PRSS55: variants seen among roughly 807,000 people sequenced by gnomAD.
The protein encoded by PRSS55 is serine protease 55, also known as probable serine protease UNQ9391/PRO34284.
PRSS55 carries 41 observed loss-of-function variants against 23.6 expected under a neutral mutation model. That is an observed-to-expected ratio of 1.74 (90% CI 1.35 to 2.26). The LOEUF (loss-of-function observed/expected upper bound fraction) is 2.26, where lower values mean the gene tolerates loss of function less well. Among genes scored for constraint, PRSS55 ranks in the 30% most tolerant of loss-of-function variants. PRSS55 has a pLI of 0.00. For synonymous variants in PRSS55, 262 were observed against 175.5 expected (o/e 1.49, Z -3.90); for missense variants, 669 against 439.1 (o/e 1.52, Z -4.68).
chr8:10,527,362 T>C (rs2117005640), intron 1 of PRSS55, among the ~76,000 whole-genome samples: 1 of 152,332 alleles, frequency 6.6e-6, no homozygotes, highest in East Asian at 1.9e-4. Flanking sequence ...AGTGGAGTCA[T>C]TCAATCAGGG....
At chr8:10,531,850 C>A in intron 3 of PRSS55, 1 of 357,494 alleles carries the variant, frequency 2.8e-6, no homozygotes. Context: ...TAAACATCTT[C>A]CCTGATTCCC....
At chr8:10,543,472 CTTTCTCTCTTTTT>C (rs1812725568), downstream of PRSS55, among the ~76,000 whole-genome samples, 6 of 29,228 alleles carry the variant, frequency 2.1e-4, no homozygotes, top group East Asian at 1.3e-3. Context: ...TCCTTTCTTT[CTTTCTCTCTTTTT>C]TTTTTTTTTC....
intron 4 of PRSS55, among the ~76,000 whole-genome samples, chr8:10,544,207 A>G (rs1021218398): frequency 2.0e-5 from 3 of 152,136 alleles, no homozygotes; most frequent in Non-Finnish European, 4.4e-5. Flanking sequence ...TTCTATTGTT[A>G]GATGCACGTA....
At chr8:10,534,458 G>C (rs1264551292) in intron 4 of PRSS55, among the ~76,000 whole-genome samples, 2 of 152,188 alleles carry the variant, frequency 1.3e-5, no homozygotes, top group Non-Finnish European at 2.9e-5. Flanking sequence ...CTCCACTGAA[G>C]ACTGCTTGCA....
At chr8:10,548,186 G>A (rs772712477) in intron 4 of PRSS55, among the ~76,000 whole-genome samples, 12 of 152,150 alleles carry the variant, frequency 7.9e-5, no homozygotes, top group African/African-American at 2.7e-4. Flanking sequence ...GGGGGCTCAG[G>A]CAGCGAGCGC....
intron 3 of PRSS55, among the ~76,000 whole-genome samples, chr8:10,532,606 G>A (rs1179473010): frequency 6.6e-6 from 1 of 152,262 alleles, no homozygotes; most frequent in Non-Finnish European, 1.5e-5. Context: ...CTGAGAAACA[G>A]TCAGTAGCCA....
chr8:10,552,074 T>A (rs572489530), intron 4 of PRSS55, among the ~76,000 whole-genome samples: 3 of 152,338 alleles, frequency 2.0e-5, no homozygotes, highest in Admixed American at 2.0e-4. Flanking sequence ...TAAGCCTTCA[T>A]GTGCTCTGTG....
intron 2 of PRSS55, among the ~76,000 whole-genome samples, chr8:10,531,094 C>T (rs114584682): frequency 0.02 from 2,649 of 130,618 alleles, 83 homozygotes; most frequent in African/African-American, 0.074. Flanking sequence ...GTGGTCTGCA[C>T]ACCAGCTATT....
chr8:10,538,993 A>C (rs532150265), downstream of PRSS55, among the ~76,000 whole-genome samples: 5 of 152,004 alleles, frequency 3.3e-5, no homozygotes, highest in Non-Finnish European at 7.4e-5. Flanking sequence ...ATTCTAGGTG[A>C]CAGTCACCTA....
At chr8:10,525,828 G>T (rs1306146407) in intron 1 of PRSS55, 89 bp downstream of exon 1, 1 of 1,375,206 alleles carries the variant, frequency 7.3e-7, no homozygotes. Context: ...CACAAGGCCA[G>T]AGCTCCAGGG....
At chr8:10,553,313 C>A (rs188009521) in intron 4 of PRSS55, among the ~76,000 whole-genome samples, 1 of 152,186 alleles carries the variant, frequency 6.6e-6, no homozygotes, top group African/African-American at 2.4e-5. Flanking sequence ...GTTAATTAAA[C>A]CTCTTTTTTT....
Position 10,538,566 on chromosome 8 carries a change from GAGA to G in PRSS55, c.837_839del (p.Lys279del), listed in dbSNP as rs757422393. Reference sequence around the variant, plus strand: ...CATAAGCTGGGGAAAGAGCTGTGGAGAGAAGAACACCCCAGGGATATACACCTC... The same window carrying G: ...CATAAGCTGGGGAAAGAGCTGTGGAGAGAACACCCCAGGGATATACACCTC... On this transcript the variant is annotated inframe_deletion, in exon 5 of 5. Coordinates refer to ENST00000328655, the MANE Select transcript of PRSS55 (RefSeq NM_198464.4). 27 of 1,614,044 alleles carry G rather than the reference GAGA, an allele frequency of 1.7e-5. No homozygotes were observed. The highest frequency in any genetic ancestry group is 8.8e-5 in the South Asian group (8 of 91,080).
chr8:10,530,630 C>A (rs545164153), intron 2 of PRSS55, among the ~76,000 whole-genome samples: 3 of 152,212 alleles, frequency 2.0e-5, no homozygotes, highest in East Asian at 3.9e-4. Context: ...TATATAGAGA[C>A]AGAATTCAAA....
chr8:10,527,955 G>A (rs886788081), intron 1 of PRSS55, among the ~76,000 whole-genome samples: 1 of 152,202 alleles, frequency 6.6e-6, no homozygotes, highest in Non-Finnish European at 1.5e-5. Context: ...GCTCACGCCT[G>A]TAATCCCAGC....
intron 4 of PRSS55, among the ~76,000 whole-genome samples, chr8:10,547,961 G>C (rs1812858725): frequency 2.4e-5 from 2 of 84,582 alleles, no homozygotes; most frequent in Non-Finnish European, 5.7e-5. Flanking sequence ...GGAGAACAGG[G>C]AAGAAGGAGT....
chr8:10,540,628 C>G (rs1455745552), downstream of PRSS55: 1 of 152,090 alleles, frequency 6.6e-6, no homozygotes, highest in South Asian at 2.1e-4. Context: ...GGCAGGATAA[C>G]GGCTTGAACC....
At chr8:10,548,989 C>A (rs571312992) in intron 4 of PRSS55, among the ~76,000 whole-genome samples, 1 of 152,136 alleles carries the variant, frequency 6.6e-6, no homozygotes, top group Non-Finnish European at 1.5e-5. Flanking sequence ...ACGCCTCTTC[C>A]CTGGCATCTC....
chr8:10,530,995 G>C (rs1020425090), intron 2 of PRSS55, among the ~76,000 whole-genome samples: 3 of 152,150 alleles, frequency 2.0e-5, no homozygotes, highest in Non-Finnish European at 2.9e-5. Flanking sequence ...GCTGTGTAGA[G>C]TGCTCTAAAC....
At chr8:10,528,770 G>C (rs1812130247) in intron 1 of PRSS55, among the ~76,000 whole-genome samples, 2 of 152,218 alleles carry the variant, frequency 1.3e-5, no homozygotes, top group South Asian at 4.1e-4. Context: ...CTCCAGCAAA[G>C]GCCTTCTGGG....
Sources: allele counts gnomAD v4.1 joint callset (sites outside exome capture counted in the v4.1 genomes callset), GRCh38; gene constraint gnomAD v4.1.1; transcripts MANE v1.5; gene names NCBI Gene and HGNC (gene_info 2026-07-23, HGNC 2026-07-21).